The following WIPF3 variants were observed in gnomAD, a reference collection of about 807,000 sequenced individuals.
WIPF3 encodes the protein WAS/WASL interacting protein family member 3, also known as WAS/WASL-interacting protein family member 3.
WIPF3 carries 33 observed loss-of-function variants against 38.9 expected under a neutral mutation model. That is an observed-to-expected ratio of 0.85 (90% CI 0.64 to 1.14). The LOEUF is 1.14. WIPF3 is among the 50% of genes most tolerant of loss of function. WIPF3 has a pLI of 0.00. For synonymous variants in WIPF3, 324 were observed against 269.3 expected, an observed-to-expected ratio of 1.20 and a Z score of -1.99; for missense variants, 711 against 652.5, an observed-to-expected ratio of 1.09 and a Z score of -0.98.
chr7:29,892,864 G>C lies in WIPF3; in HGVS notation c.1351+3457G>C, dbSNP rs532022512. Among the ~76,000 whole-genome samples, 4 of 152,268 alleles carry C rather than the reference G, an allele frequency of 2.6e-5. No homozygotes were observed. The East Asian group carries it at 7.7e-4, about 29-fold the overall frequency. On this transcript the variant is annotated intron_variant, in intron 7 of 8. Coordinates refer to ENST00000242140, the MANE Select transcript of WIPF3 (RefSeq NM_001080529.3). ...GCAGATCACCTGAGGTCAGGAGTTT[G>C]AGACCAGCCTGGTCAACATGGTGAA...
chr7:29,806,983 A>G (rs1294233817), intron 1 of WIPF3, among the ~76,000 whole-genome samples: 1 of 151,516 alleles, frequency 6.6e-6, no homozygotes, highest in Non-Finnish European at 1.5e-5. Context: ...TTGCTTGGTG[A>G]CTTCTCCGGA....
chr7:29,912,194 A>T (rs974803858), intron 8 of WIPF3, among the ~76,000 whole-genome samples: 1 of 152,230 alleles, frequency 6.6e-6, no homozygotes, highest in Non-Finnish European at 1.5e-5. Context: ...ATCACTAATC[A>T]TTAGAGAAAT....
At chr7:29,872,989 C>T (rs886775834) in intron 2 of WIPF3, among the ~76,000 whole-genome samples, 2 of 152,026 alleles carry the variant, frequency 1.3e-5, no homozygotes, top group Admixed American at 1.3e-4. Context: ...TGTCCTCCTG[C>T]TGACTTGGAA....
intron 7 of WIPF3, among the ~76,000 whole-genome samples, chr7:29,895,055 G>A (rs1211532413): frequency 2.6e-5 from 4 of 151,896 alleles, no homozygotes; most frequent in African/African-American, 7.2e-5. Context: ...GGGTTCAACC[G>A]ATTCTCCTGC....
At chr7:29,850,852 GC>G (rs11326639) in intron 2 of WIPF3, among the ~76,000 whole-genome samples, 17,104 of 152,238 alleles carry the variant, frequency 0.11, 1,017 homozygotes, top group African/African-American at 0.15. Flanking sequence ...GGTGGACCTG[GC>G]TCCCGAGTTT....
intron 2 of WIPF3, among the ~76,000 whole-genome samples, chr7:29,845,113 A>C (rs375593672): frequency 1.6e-4 from 24 of 150,638 alleles, no homozygotes; most frequent in East Asian, 3.9e-4. Flanking sequence ...AAAAAAAAAA[A>C]CACAAAAAAC....
chr7:29,843,416 G>A (rs1464347268), intron 2 of WIPF3, among the ~76,000 whole-genome samples: 1 of 152,178 alleles, frequency 6.6e-6, no homozygotes, highest in East Asian at 1.9e-4. Context: ...CTTGTTAAGG[G>A]CCTTTGTTGA....
chr7:29,857,203 C>T (rs1422970933), intron 2 of WIPF3, among the ~76,000 whole-genome samples: 2 of 152,062 alleles, frequency 1.3e-5, no homozygotes, highest in African/African-American at 4.8e-5. Flanking sequence ...ACACCCTAAC[C>T]ACCTCCCTCA....
intron 5 of WIPF3, among the ~76,000 whole-genome samples, chr7:29,886,160 G>C (rs975871764): frequency 6.6e-6 from 1 of 151,650 alleles, no homozygotes; most frequent in Non-Finnish European, 1.5e-5. Context: ...TAAAAGTATT[G>C]GTGTCTTAAA....
intron 1 of WIPF3, among the ~76,000 whole-genome samples, chr7:29,817,213 A>G (rs1287657268): frequency 6.6e-6 from 1 of 152,142 alleles, no homozygotes; most frequent in Non-Finnish European, 1.5e-5. Flanking sequence ...TTATTGTAGG[A>G]ACACCTTATA....
chr7:29,835,611 C>T (rs370888655), intron 2 of WIPF3, among the ~76,000 whole-genome samples: 7 of 152,188 alleles, frequency 4.6e-5, no homozygotes, highest in Non-Finnish European at 7.3e-5. Flanking sequence ...ACCGCACACA[C>T]GGTTTCAGAA....
chr7:29,825,473 A>G (rs1235726097), intron 1 of WIPF3, among the ~76,000 whole-genome samples: 1 of 152,252 alleles, frequency 6.6e-6, no homozygotes, highest in Non-Finnish European at 1.5e-5. Context: ...TGAATGTGTG[A>G]TTAATATCAT....
At chr7:29,881,922 A>G (rs1434067908) in intron 4 of WIPF3, among the ~76,000 whole-genome samples, 3 of 152,058 alleles carry the variant, frequency 2.0e-5, no homozygotes, top group Non-Finnish European at 2.9e-5. Flanking sequence ...TTCCATTGTG[A>G]AGGACAGCCT....
intron 1 of WIPF3, among the ~76,000 whole-genome samples, chr7:29,833,082 A>G (rs1784746928): frequency 6.6e-6 from 1 of 152,238 alleles, no homozygotes; most frequent in Non-Finnish European, 1.5e-5. Flanking sequence ...CAAATGTTGT[A>G]TGGTTCCACA....
chr7:29,900,373 G>T (rs2269982), intron 7 of WIPF3, among the ~76,000 whole-genome samples: 73,617 of 152,022 alleles, frequency 0.48, 19,404 homozygotes, highest in East Asian at 0.84. Flanking sequence ...TTTTTAAATT[G>T]CAAGTTGTCA....
At chr7:29,901,825 C>CA (rs869296187) in intron 7 of WIPF3, among the ~76,000 whole-genome samples, 1,029 of 82,326 alleles carry the variant, frequency 0.012, 22 homozygotes, top group African/African-American at 0.039. Context: ...GTCCCTGTCT[C>CA]AAAAAAAAAA....
rs61750796 is a variant in WIPF3 at position 29,888,072 on chromosome 7, C to T, written c.1104C>T (p.Ala368=). 31,263 of 1,613,782 alleles carry T rather than the reference C, an allele frequency of 0.019. 464 individuals carry two copies. The highest frequency in any genetic ancestry group is 0.07 in the East Asian group (3,144 of 44,876). The change falls in exon 6 of 9, where the codon GCC becomes GCT. Residue 368 remains alanine, a synonymous_variant. Transcript: ENST00000242140. ...LQKKRHGRPG[A]GGGKLNPPPA... ...CACCATCATCTTCTCTGTAAGGGGC[C>T]GGTGGGGGAAAGCTAAATCCACCTC...
chr7:29,914,416 G>T (rs553851533), intron 8 of WIPF3, 77 bp from the exon 9 acceptor site: 352 of 1,209,772 alleles, frequency 2.9e-4, no homozygotes, highest in Non-Finnish European at 3.6e-4. Flanking sequence ...AGCCTGTTTG[G>T]GGGGGTGGAG....
intron 6 of WIPF3, among the ~76,000 whole-genome samples, chr7:29,888,459 A>C (rs174975): frequency 2.3e-4 from 35 of 151,670 alleles, no homozygotes; most frequent in African/African-American, 8.5e-4. Flanking sequence ...GAGAAAGGGA[A>C]GAAAAGCAGC....
Sources: allele counts gnomAD v4.1 joint callset (sites outside exome capture counted in the v4.1 genomes callset), GRCh38; gene constraint gnomAD v4.1.1; transcripts MANE v1.5; gene names NCBI Gene and HGNC (gene_info 2026-07-23, HGNC 2026-07-21).